Variants in FUT9 observed in about 807,000 individuals in gnomAD.
The protein encoded by FUT9 is 4-galactosyl-N-acetylglucosaminide 3-alpha-L-fucosyltransferase 9.
In FUT9, 15 loss-of-function variants were observed where a neutral mutation model predicts 29.7. That is an observed-to-expected ratio of 0.51 (90% CI 0.34 to 0.78). FUT9 has a LOEUF of 0.78. FUT9 is among the 30% of genes least tolerant of loss of function. The pLI is 0.01. For synonymous variants in FUT9, 169 were observed against 153.7 expected (o/e 1.10, Z -0.74); for missense variants, 319 against 425.4 (o/e 0.75, Z 2.20).
In FUT9 at chr6:96,206,155, A is replaced by G. The variant is rs187971323; in HGVS notation, c.*1920A>G. The G allele has an allele frequency of 1.4e-4, 23 of 167,182 alleles. No individual in the cohort carries two copies. Among genetic ancestry groups the G allele is most frequent in the East Asian group, 1.4e-3 (7 of 5,166 alleles). 10.4% of individuals were successfully genotyped at this position (167,182 alleles called of 1,614,324 possible). A position where few individuals can be genotyped will look rare whatever the true frequency, so the allele number is the denominator to read the frequency against. ...GGGTCAATGCTGATTTAATGGGGAA[A>G]AAAAGTAGAAAATTTCCCCAATTGC... On this transcript the variant is annotated 3_prime_UTR_variant, in exon 3 of 3. Transcript: ENST00000302103.
intron 1 of FUT9, among the ~76,000 whole-genome samples, chr6:96,086,052 G>T (rs1038549376): frequency 6.6e-6 from 1 of 152,106 alleles, no homozygotes; most frequent in Non-Finnish European, 1.5e-5. Flanking sequence ...ATGGAAGAGG[G>T]TATTATTAAT....
intron 2 of FUT9, among the ~76,000 whole-genome samples, chr6:96,131,819 A>G (rs1048839408): frequency 2.0e-5 from 3 of 152,122 alleles, no homozygotes; most frequent in Non-Finnish European, 2.9e-5. Context: ...CTCTTCTCAA[A>G]TAAGTAAACC....
chr6:96,034,661 T>C (rs907218021), intron 1 of FUT9, among the ~76,000 whole-genome samples: 1 of 151,706 alleles, frequency 6.6e-6, no homozygotes, highest in Non-Finnish European at 1.5e-5. Flanking sequence ...ACACACTTAC[T>C]ACAATAAGGG....
chr6:96,079,532 G>C (rs1381250574), intron 1 of FUT9, among the ~76,000 whole-genome samples: 1 of 152,094 alleles, frequency 6.6e-6, no homozygotes, highest in Non-Finnish European at 1.5e-5. Flanking sequence ...TTGTTGAAAG[G>C]CAAGAAAATA....
rs572815335 is a variant in FUT9, at chr6:96,186,462, C to T, written c.-8-16686C>T. 1.4e-4 allele frequency among the ~76,000 whole-genome samples: 21 copies of T among 152,214 alleles called. 1 individual carries two copies. Among genetic ancestry groups the T allele is most frequent in the Middle Eastern group, 3.4e-3 (1 of 294 alleles). On this transcript the variant is annotated intron_variant, in intron 2 of 2. Coordinates refer to ENST00000302103, the MANE Select transcript of FUT9 (RefSeq NM_006581.4). ...TGCAGCCTTCTTCTTAGTATGTTAA[C>T]GTCCCTGATATGCACGATGGTGTTT...
chr6:96,057,216 G>T (rs984981135), intron 1 of FUT9, among the ~76,000 whole-genome samples: 1 of 152,132 alleles, frequency 6.6e-6, no homozygotes, highest in Non-Finnish European at 1.5e-5. Flanking sequence ...ATAAAAGAGA[G>T]GTTGGATAGA....
chr6:96,052,884 A>C (rs1243221488), intron 1 of FUT9, among the ~76,000 whole-genome samples: 1 of 152,204 alleles, frequency 6.6e-6, no homozygotes. Flanking sequence ...TTAGAAAGCA[A>C]GTAAATATTT....
At chr6:96,116,602 A>G (rs1037061054) in intron 2 of FUT9, among the ~76,000 whole-genome samples, 1 of 152,228 alleles carries the variant, frequency 6.6e-6, no homozygotes, top group African/African-American at 2.4e-5. Context: ...CTATTCAAAT[A>G]TTTTTAAAAG....
chr6:96,212,298 T>C lies in FUT9; in HGVS notation c.*8063T>C, dbSNP rs1234217072. 2 of 412,610 alleles carry C rather than the reference T, an allele frequency of 4.8e-6. No individual in the cohort carries two copies. Among genetic ancestry groups the C allele is most frequent in the Non-Finnish European group, 4.4e-6 (1 of 225,618 alleles). The allele number at this position is 412,610 out of a possible 1,614,324, so 25.6% of individuals were successfully genotyped here. On this transcript the variant is annotated 3_prime_UTR_variant, in exon 3 of 3. Transcript: ENST00000302103. ...GAGATTGCCAGAGGATATGAGCTCA[T>C]CTAGGATGGAATACATGTCTCCAGG...
rs1421593453 is a variant in FUT9, at chr6:96,213,768, GA to G, written c.*9540del. ...TTTTGTAGAGTATTTTTCCACACTT[GA>G]AAAAAACATGATTATTTTATATCAA... is the stretch of plus-strand genomic sequence containing the variant. On this transcript the variant is annotated 3_prime_UTR_variant, in exon 3 of 3. Coordinates refer to ENST00000302103, the MANE Select transcript of FUT9 (RefSeq NM_006581.4). 6.0e-6 allele frequency: 1 copy of G among 166,332 alleles called. No homozygotes were observed. The allele number at this position is 166,332 out of a possible 1,614,324, so 10.3% of individuals were successfully genotyped here. A position where few individuals can be genotyped will look rare whatever the true frequency, so the allele number is the denominator to read the frequency against.
chr6:96,140,865 A>G (rs1451775647), intron 2 of FUT9, among the ~76,000 whole-genome samples: 4 of 152,236 alleles, frequency 2.6e-5, no homozygotes, highest in African/African-American at 9.6e-5. Context: ...ATAATGTTCA[A>G]ATATCTAAAG....
chr6:96,127,755 G>A (rs1225553200), intron 2 of FUT9, among the ~76,000 whole-genome samples: 2 of 152,000 alleles, frequency 1.3e-5, no homozygotes, highest in Non-Finnish European at 2.9e-5. Flanking sequence ...TCTCATGGTG[G>A]TTTTAATTTG....
intron 2 of FUT9, among the ~76,000 whole-genome samples, chr6:96,175,024 T>A (rs1318306133): frequency 6.6e-6 from 1 of 152,036 alleles, no homozygotes; most frequent in African/African-American, 2.4e-5. Flanking sequence ...GACTAAATAA[T>A]AGTGTTGCTA....
chr6:96,067,962 G>T (rs1036643012), intron 1 of FUT9, among the ~76,000 whole-genome samples: 1 of 152,040 alleles, frequency 6.6e-6, no homozygotes, highest in Admixed American at 6.5e-5. Flanking sequence ...TATAATAGGT[G>T]TTGAATGAAT....
At chr6:96,090,858 T>C (rs1291814687) in intron 1 of FUT9, among the ~76,000 whole-genome samples, 2 of 152,006 alleles carry the variant, frequency 1.3e-5, no homozygotes, top group East Asian at 3.8e-4. Context: ...TGAATTAAAA[T>C]AAATGCAGGA....
chr6:96,097,097 G>T (rs1307090910), intron 1 of FUT9, among the ~76,000 whole-genome samples: 1 of 152,130 alleles, frequency 6.6e-6, no homozygotes, highest in Non-Finnish European at 1.5e-5. Context: ...TCAAAGCACA[G>T]AATTAGAAGA....
At position 96,203,141 on chromosome 6, in the gene FUT9, T is replaced by G. The variant is rs1773758698; in HGVS notation, c.-8-7T>G. On this transcript the variant is annotated splice_region_variant and splice_polypyrimidine_tract_variant and intron_variant, in intron 2 of 2. Transcript: ENST00000302103. The stretch of plus-strand genomic sequence containing the variant: ...TACCTCCCCTTCTGTCTTTCTCTAT[T>G]TCGTAGGAAAAATTATGACATCAAC... 6.3e-7 allele frequency: 1 copy of G among 1,577,532 alleles called. No individual in the cohort carries two copies. The highest frequency in any genetic ancestry group is 8.6e-7 in the Non-Finnish European group (1 of 1,157,256).
chr6:96,175,702 T>A (rs912415787), intron 2 of FUT9, among the ~76,000 whole-genome samples: 25 of 152,204 alleles, frequency 1.6e-4, no homozygotes, highest in African/African-American at 6.0e-4. Context: ...AAATTTTACC[T>A]GGTGCTATAA....
At chr6:96,130,971 G>A (rs927569613) in intron 2 of FUT9, among the ~76,000 whole-genome samples, 9 of 152,044 alleles carry the variant, frequency 5.9e-5, no homozygotes, top group Admixed American at 5.2e-4. Flanking sequence ...CATAGTGGTC[G>A]TCCCTGCTTA....
Sources: gnomAD v4.1 joint callset for allele counts (sites outside exome capture counted in the v4.1 genomes callset) on GRCh38, gnomAD v4.1.1 for gene constraint, MANE v1.5 for transcripts, NCBI Gene and HGNC (gene_info 2026-07-23, HGNC 2026-07-21) for gene names.